ASTE1: variants seen among roughly 807,000 people sequenced by gnomAD.
ASTE1 encodes the protein asteroid structure-specific endonuclease 1.
ASTE1 carries 49 observed loss-of-function variants against 45.8 expected under a neutral mutation model. The ratio of observed to expected loss-of-function variants is 1.07; its 90% CI spans 0.85 to 1.36. ASTE1 has a LOEUF of 1.36. ASTE1 is among the 40% of genes most tolerant of loss of function. The pLI, the probability that ASTE1 is intolerant of heterozygous loss-of-function variation, is 0.00. For missense variants in ASTE1, 709 were observed against 804.0 expected (o/e 0.88, Z 1.43); for synonymous variants, 296 against 303.9 (o/e 0.97, Z 0.27).
At chr3:131,015,537 CCTT>C (rs2063578833) in intron 5 of ASTE1, among the ~76,000 whole-genome samples, 1 of 152,172 alleles carries the variant, frequency 6.6e-6, no homozygotes, top group Admixed American at 6.6e-5. Flanking sequence ...CCCTTATTGT[CCTT>C]CTTGCCTGGT....
In ASTE1 at chr3:131,016,210, C is replaced by A; in HGVS notation, c.1643G>T (p.Cys548Phe). 6.2e-7 allele frequency: 1 copy of A among 1,614,168 alleles called. No individual in the cohort carries two copies. The highest frequency in any genetic ancestry group is 8.5e-7 in the Non-Finnish European group (1 of 1,180,040). The change falls in exon 5 of 6, where the codon TGT becomes TTT. Residue 548 changes from cysteine (C) to phenylalanine (F), a missense_variant. Coordinates refer to ENST00000264992, the MANE Select transcript of ASTE1 (RefSeq NM_014065.4). ...GTTGAGATACATCCCCATCTGGAGA[C>A]AGGACTGCCACTGACAGAAGATGTG... ...TAHIFCQWQS[C>F]LQMGMYLNQL...
At chr3:131,023,742 T>C (rs546184107) in intron 3 of ASTE1, among the ~76,000 whole-genome samples, 6 of 152,274 alleles carry the variant, frequency 3.9e-5, no homozygotes, top group African/African-American at 1.4e-4. Flanking sequence ...TAGTAATAAC[T>C]GTGACGATAA....
chr3:131,015,803 C>G (rs192943404), intron 5 of ASTE1, among the ~76,000 whole-genome samples: 8 of 152,200 alleles, frequency 5.3e-5, no homozygotes, highest in Non-Finnish European at 1.0e-4. Flanking sequence ...GAAAAAGGCT[C>G]TACAAAGTGA....
intron 3 of ASTE1, among the ~76,000 whole-genome samples, chr3:131,021,161 A>G (rs1039544483): frequency 6.6e-6 from 1 of 152,242 alleles, no homozygotes; most frequent in Non-Finnish European, 1.5e-5. Context: ...AAGAGTGAAT[A>G]AACAATGGGA....
intron 3 of ASTE1, among the ~76,000 whole-genome samples, chr3:131,022,795 C>G (rs1237638682): frequency 6.6e-6 from 1 of 152,144 alleles, no homozygotes; most frequent in Non-Finnish European, 1.5e-5. Flanking sequence ...CATTCATCTC[C>G]TCCTGTCTGA....
At position 131,024,435 on chromosome 3, in the gene ASTE1, A is replaced by C. The variant is rs201605797; in HGVS notation, c.872T>G (p.Leu291Arg). ...PKKDRENVKELLCCSMEEYQQ... is the reference protein window; with the variant it reads ...PKKDRENVKERLCCSMEEYQQ... ...GTATTCTTCCATGGAACAGCAGAGAAGTTCCTTAACATTTTCTCGATCCTT... is the reference window on the plus strand; with the variant it reads ...GTATTCTTCCATGGAACAGCAGAGACGTTCCTTAACATTTTCTCGATCCTT... The change falls in exon 3 of 6, where the codon CTT becomes CGT. Residue 291 changes from leucine to arginine, a missense_variant. By Grantham distance (102) the Leu-to-Arg change is moderately radical. Transcript: ENST00000264992. The C allele has an allele frequency of 6.2e-7, 1 of 1,614,220 alleles. No individual in the cohort carries two copies. The highest frequency in any genetic ancestry group is 1.7e-5 in the Admixed American group (1 of 60,030).
chr3:131,016,465 C>T (rs1400089838), intron 4 of ASTE1, 126 bp from the exon 5 acceptor site: 7 of 1,065,102 alleles, frequency 6.6e-6, no homozygotes, highest in African/African-American at 4.8e-5. Flanking sequence ...ATGTTTTTCT[C>T]TTCTGGCTTC....
chr3:131,021,809 C>G (rs2109094393), intron 3 of ASTE1, among the ~76,000 whole-genome samples: 1 of 152,270 alleles, frequency 6.6e-6, no homozygotes, highest in East Asian at 1.9e-4. Flanking sequence ...TTTATGTGCA[C>G]TTTACTGTAC....
Position 131,024,398 on chromosome 3 carries a change from C to T in ASTE1, c.909G>A (p.Gln303=). 6.2e-7 allele frequency: 1 copy of T among 1,614,208 alleles called. No homozygotes were observed. The highest frequency in any genetic ancestry group is 1.1e-5 in the South Asian group (1 of 91,086). Residue 303 remains glutamine, a synonymous_variant, in exon 3 of 6, where the codon CAG becomes CAA. Transcript: ENST00000264992. ...ACTGGAAGAAGTCCTGTAGCTTCAC[C>T]TGGGACTGTTGGTATTCTTCCATGG... ...CCSMEEYQQS[Q]VKLQDFFQCG...
intron 4 of ASTE1, among the ~76,000 whole-genome samples, chr3:131,018,244 A>G (rs2063691157): frequency 2.0e-5 from 3 of 152,206 alleles, no homozygotes; most frequent in African/African-American, 7.2e-5. Flanking sequence ...AGGTGCCACC[A>G]AACAGATGGA....
In ASTE1 at chr3:131,024,629, A is replaced by T; in HGVS notation, c.678T>A (p.His226Gln). 6.2e-7 allele frequency: 1 copy of T among 1,603,442 alleles called. No homozygotes were observed. The highest frequency in any genetic ancestry group is 8.5e-7 in the Non-Finnish European group (1 of 1,174,334). ...ATGTCTCCATGATGGGTAGATTAAC[A>T]TGGTCATTTCCACATAGCACCGCAA... Reference protein sequence around the residue: ...PLFAVLCGNDHVNLPIMETFL... With the variant: ...PLFAVLCGNDQVNLPIMETFL... The change falls in exon 3 of 6, where the codon CAT (histidine) becomes CAA (glutamine). Residue 226 changes from histidine (H) to glutamine (Q), a missense_variant. By Grantham distance (24) the His-to-Gln change is conservative. Transcript: ENST00000264992.
Position 131,015,647 on chromosome 3 carries a change from A to G in ASTE1, c.1709+497T>C, listed in dbSNP as rs902057326. On this transcript the variant is annotated intron_variant, in intron 5 of 5. Coordinates refer to ENST00000264992, the MANE Select transcript of ASTE1 (RefSeq NM_014065.4). ...GAGCTGAGATTCTGTTTTTGTCCCT[A>G]CACCCTAGCACAGGGTAGGCATTTA... Among the ~76,000 whole-genome samples the G allele has an allele frequency of 2.0e-5, 3 of 152,214 alleles. No homozygotes were observed. The South Asian group carries it at 6.2e-4, about 32-fold the overall frequency.
chr3:131,018,745 GT>G lies in ASTE1; in HGVS notation c.1303-30del, dbSNP rs768857716. On this transcript the variant is annotated intron_variant, in intron 3 of 5. Transcript: ENST00000264992. Reference sequence around the variant, plus strand: ...AAAATACACACCAAGTATCCTGCAAGTTACTTTGGGAAATGTCTGTTATTTC... The same window carrying G: ...AAAATACACACCAAGTATCCTGCAAGTACTTTGGGAAATGTCTGTTATTTC... 5 of 1,602,314 alleles carry G rather than the reference GT, an allele frequency of 3.1e-6. No homozygotes were observed. The African/African-American group carries it at 5.4e-5, about 17-fold the overall frequency.
chr3:131,025,415 G>A, intron 2 of ASTE1, 59 bp downstream of exon 2: 1 of 1,489,412 alleles, frequency 6.7e-7, no homozygotes, highest in East Asian at 2.3e-5. Context: ...TAAATCAATA[G>A]CAAATGTTAT....
At position 131,024,034 on chromosome 3, in the gene ASTE1, C is replaced by A; in HGVS notation, c.1273G>T (p.Asp425Tyr). 1 of 1,609,202 alleles carries A rather than the reference C, an allele frequency of 6.2e-7. No individual in the cohort carries two copies. Among genetic ancestry groups the A allele is most frequent in the South Asian group, 1.1e-5 (1 of 90,708 alleles). ...GTCAATCTGCTTAAGTCAGAATGATCCTTGGCCAGTTCTACTGCATCAATG... is the reference window on the plus strand; with the variant it reads ...GTCAATCTGCTTAAGTCAGAATGATACTTGGCCAGTTCTACTGCATCAATG... ...SIIDAVELAKDHSDLSRLTEL... is the reference protein window; with the variant it reads ...SIIDAVELAKYHSDLSRLTEL... Residue 425 changes from aspartate to tyrosine, a missense_variant, in exon 3 of 6, where the codon GAT (aspartate) becomes TAT (tyrosine). Physicochemically the swap from Asp to Tyr is radical, Grantham distance 160. Transcript: ENST00000264992.
chr3:131,025,769 A>G (rs1474242578), intron 1 of ASTE1, among the ~76,000 whole-genome samples, 175 bp from the exon 2 acceptor site: 2 of 152,338 alleles, frequency 1.3e-5, no homozygotes, highest in East Asian at 3.9e-4. Context: ...ATAATCACAA[A>G]GCATTTGGGC....
chr3:131,018,264 T>C (rs1465134597), intron 4 of ASTE1, among the ~76,000 whole-genome samples: 1 of 152,200 alleles, frequency 6.6e-6, no homozygotes, highest in Non-Finnish European at 1.5e-5. Flanking sequence ...AAGTTGGCAG[T>C]ACCCCAACAC....
Position 131,024,365 on chromosome 3 carries a change from A to C in ASTE1, c.942T>G (p.Thr314=). ...VKLQDFFQCG[T]YVCPDALNLG... ...GATTCAAGGCATCTGGACAGACATAAGTACCACACTGGAAGAAGTCCTGTA... is the reference window on the plus strand; with the variant it reads ...GATTCAAGGCATCTGGACAGACATACGTACCACACTGGAAGAAGTCCTGTA... The change falls in exon 3 of 6, where the codon ACT becomes ACG. Residue 314 remains threonine (T), a synonymous_variant. Coordinates refer to ENST00000264992, the MANE Select transcript of ASTE1 (RefSeq NM_014065.4). 1 of 1,614,270 alleles carries C rather than the reference A, an allele frequency of 6.2e-7. No individual in the cohort carries two copies. Among genetic ancestry groups the C allele is most frequent in the Non-Finnish European group, 8.5e-7 (1 of 1,180,048 alleles).
At chr3:131,018,788 A>G (rs218503) in intron 3 of ASTE1, 72 bp from the exon 4 acceptor site, 1,032,221 of 1,473,288 alleles carry the variant, frequency 0.7, 366,802 homozygotes, top group Non-Finnish European at 0.73. Flanking sequence ...CCACCATAGC[A>G]TGAAGAGATT....
Sources: gnomAD v4.1 joint callset for allele counts (sites outside exome capture counted in the v4.1 genomes callset) on GRCh38, gnomAD v4.1.1 for gene constraint, MANE v1.5 for transcripts, NCBI Gene and HGNC (gene_info 2026-07-23, HGNC 2026-07-21) for gene names.